CEP70: variants seen among roughly 807,000 people sequenced by gnomAD.
CEP70 encodes centrosomal protein of 70 kDa.
A neutral mutation model predicts 90.9 loss-of-function variants in CEP70; 70 were observed. The observed-to-expected ratio is 0.77, with a 90% CI of 0.64 to 0.94. The LOEUF (loss-of-function observed/expected upper bound fraction) is 0.94. CEP70 is among the 40% of genes least tolerant of loss of function. The pLI, the probability that CEP70 is intolerant of heterozygous loss-of-function variation, is 0.00. For synonymous variants in CEP70, 220 were observed against 228.3 expected (o/e 0.96, Z 0.33); for missense variants, 648 against 669.0 (o/e 0.97, Z 0.35).
chr3:138,518,462 C>T (rs922824122), intron 11 of CEP70, among the ~76,000 whole-genome samples: 8 of 152,258 alleles, frequency 5.3e-5, no homozygotes, highest in Middle Eastern at 3.4e-3. Flanking sequence ...CTCACACAGC[C>T]GGGTACTCCT....
rs771457397 is a variant in CEP70, at chr3:138,498,031, C to T, written c.1732G>A (p.Glu578Lys). 6.2e-7 allele frequency: 1 copy of T among 1,612,064 alleles called. No homozygotes were observed. Among genetic ancestry groups the T allele is most frequent in the African/African-American group, 1.3e-5 (1 of 74,972 alleles). The part of the protein sequence containing the change: ...AFTNDLLEIL[E>K]IDDLDAIVPA... The stretch of plus-strand genomic sequence containing the variant: ...TCACCATCACCACCAGAGATCTTAC[C>T]TAAGATTTCAAGTAGATCATTAGTA... Residue 578 changes from glutamate (E) to lysine (K), a missense_variant and splice_region_variant, in exon 17 of 18, where the codon GAA becomes AAA. By Grantham distance (56) the Glu-to-Lys change is moderately conservative. Transcript: ENST00000264982.
chr3:138,588,144 C>A (rs2042198918), intron 2 of CEP70, among the ~76,000 whole-genome samples: 1 of 151,976 alleles, frequency 6.6e-6, no homozygotes, highest in Non-Finnish European at 1.5e-5. Flanking sequence ...AAAATCACAA[C>A]ATGTCTAGAA....
chr3:138,515,467 C>CAAAAAAAAAA (rs145902706), intron 11 of CEP70, among the ~76,000 whole-genome samples: 25 of 65,274 alleles, frequency 3.8e-4, no homozygotes, highest in South Asian at 6.9e-4. Context: ...CATAGAAATG[C>CAAAAAAAAAA]AAAAAAAAAA....
intron 8 of CEP70, chr3:138,530,500 T>C (rs1212714162): frequency 1.5e-6 from 1 of 666,390 alleles, no homozygotes; most frequent in Admixed American, 6.3e-5. Context: ...TATAGTCTGA[T>C]GATAAAAACA....
intron 10 of CEP70, among the ~76,000 whole-genome samples, chr3:138,528,052 T>G (rs568248364): frequency 3.3e-5 from 5 of 149,948 alleles, no homozygotes; most frequent in South Asian, 4.2e-4. Context: ...GAAGTTTTTT[T>G]TTTTTTTTTT....
Position 138,508,542 on chromosome 3 carries a change from A to G in CEP70, c.947T>C (p.Leu316Ser), listed in dbSNP as rs961629273. 6.3e-7 allele frequency: 1 copy of G among 1,586,422 alleles called. No homozygotes were observed. The highest frequency in any genetic ancestry group is 8.7e-7 in the Non-Finnish European group (1 of 1,155,196). The stretch of plus-strand genomic sequence containing the variant: ...CTTCTTATGATTAATAAGCTCCTGT[A>G]ATCTAAAAGGGGGAAAAAAATCAAG... ...LEKALKKNVK[L>S]QELINHKKAE... Residue 316 changes from leucine to serine, a missense_variant and splice_region_variant, in exon 12 of 18, where the codon TTA (leucine) becomes TCA (serine). By Grantham distance (145) the Leu-to-Ser change is moderately radical. Coordinates refer to ENST00000264982, the MANE Select transcript of CEP70 (RefSeq NM_024491.4).
chr3:138,559,220 A>G (rs1294183739), intron 6 of CEP70, among the ~76,000 whole-genome samples: 1 of 152,188 alleles, frequency 6.6e-6, no homozygotes, highest in Non-Finnish European at 1.5e-5. Flanking sequence ...AAGAATAAAC[A>G]TGAAAGACAT....
chr3:138,564,700 AAAT>A (rs1478585482), intron 6 of CEP70, among the ~76,000 whole-genome samples: 1 of 152,170 alleles, frequency 6.6e-6, no homozygotes, highest in African/African-American at 2.4e-5. Context: ...ACGTATCTCA[AAAT>A]AATAAGAGCT....
intron 2 of CEP70, among the ~76,000 whole-genome samples, chr3:138,581,296 AG>A (rs1210329825): frequency 1.3e-5 from 2 of 151,610 alleles, no homozygotes; most frequent in South Asian, 2.1e-4. Flanking sequence ...AAAAAAAAAA[AG>A]AAAGAAAAGA....
chr3:138,504,754 T>C (rs1170686177), intron 13 of CEP70, among the ~76,000 whole-genome samples: 2 of 152,142 alleles, frequency 1.3e-5, no homozygotes, highest in Non-Finnish European at 2.9e-5. Context: ...CATGAAGAGA[T>C]AGGATAGGGA....
chr3:138,545,645 T>C (rs999201719), intron 6 of CEP70, among the ~76,000 whole-genome samples: 6 of 151,866 alleles, frequency 4.0e-5, no homozygotes, highest in Non-Finnish European at 8.8e-5. Flanking sequence ...TATAAATGGA[T>C]GTACAAGTAG....
intron 6 of CEP70, among the ~76,000 whole-genome samples, chr3:138,562,232 T>C (rs1408523656): frequency 6.6e-6 from 1 of 152,056 alleles, no homozygotes; most frequent in Non-Finnish European, 1.5e-5. Context: ...CGTTTGATTA[T>C]TGTACCTGAA....
At chr3:138,526,412 C>T (rs1468667378) in intron 10 of CEP70, among the ~76,000 whole-genome samples, 2 of 152,086 alleles carry the variant, frequency 1.3e-5, no homozygotes, top group African/African-American at 2.4e-5. Flanking sequence ...AGGCCTGCTT[C>T]GGCCTCCTAA....
intron 2 of CEP70, among the ~76,000 whole-genome samples, chr3:138,576,648 C>G (rs1230582281): frequency 6.6e-6 from 1 of 152,230 alleles, no homozygotes; most frequent in Non-Finnish European, 1.5e-5. Context: ...ATAGAATATA[C>G]ATTCTTCTCA....
rs147149657 is a variant in CEP70, at chr3:138,540,892, C to A, written c.466-3545G>T. Among the ~76,000 whole-genome samples, 527 of 152,268 alleles carry A rather than the reference C, an allele frequency of 3.5e-3. 2 individuals carry two copies. The highest frequency in any genetic ancestry group is 0.011 in the African/African-American group (453 of 41,542). On this transcript the variant is annotated intron_variant, in intron 6 of 17. Coordinates refer to ENST00000264982, the MANE Select transcript of CEP70 (RefSeq NM_024491.4). ...ATAAAGAAAATGTGGTACATATACA[C>A]CATAGAATACTACATAGCCATAAAA...
intron 17 of CEP70, chr3:138,497,325 A>G (rs2034036251): frequency 7.2e-6 from 9 of 1,254,310 alleles, no homozygotes; most frequent in African/African-American, 1.6e-5. Context: ...GCAAAGAGCC[A>G]TTCTTTAAAA....
intron 11 of CEP70, among the ~76,000 whole-genome samples, chr3:138,511,838 T>C (rs569208783): frequency 1.3e-5 from 2 of 152,304 alleles, no homozygotes; most frequent in South Asian, 2.1e-4. Context: ...TGGGGACTCA[T>C]AGGAAACTGG....
intron 16 of CEP70, 33 bp downstream of exon 16, chr3:138,500,076 TG>T: frequency 7.0e-7 from 1 of 1,431,998 alleles, no homozygotes; most frequent in Non-Finnish European, 9.9e-7. Context: ...CCAGCCATTC[TG>T]GATGATACTT....
intron 11 of CEP70, among the ~76,000 whole-genome samples, chr3:138,524,370 CA>C (rs1231375766): frequency 6.6e-6 from 1 of 152,010 alleles, no homozygotes; most frequent in Non-Finnish European, 1.5e-5. Context: ...CTAAAATTGA[CA>C]AATGGGATCT....
Sources: gnomAD v4.1 joint callset for allele counts (sites outside exome capture counted in the v4.1 genomes callset) on GRCh38, gnomAD v4.1.1 for gene constraint, MANE v1.5 for transcripts, NCBI Gene and HGNC (gene_info 2026-07-23, HGNC 2026-07-21) for gene names.